DSCAML1: variants seen among roughly 807,000 people sequenced by gnomAD.
DSCAML1 encodes the protein DS cell adhesion molecule like 1.
Under a neutral mutation model 200.5 loss-of-function variants are expected in DSCAML1, and 38 were observed. The ratio of observed to expected loss-of-function variants is 0.19; its 90% CI spans 0.15 to 0.25. DSCAML1 has a LOEUF of 0.25. DSCAML1 is among the 10% of genes least tolerant of loss of function. The pLI is 1.00. For synonymous variants in DSCAML1, 1,215 were observed against 1,165.0 expected, an observed-to-expected ratio of 1.04 and a Z score of -0.87; for missense variants, 2,223 against 2,858.8, an observed-to-expected ratio of 0.78 and a Z score of 5.07.
intron 3 of DSCAML1, among the ~76,000 whole-genome samples, chr11:117,659,719 AT>A (rs35180954): frequency 0.3 from 43,414 of 145,238 alleles, 6,644 homozygotes; most frequent in Admixed American, 0.35. Context: ...TGCCTCACAC[AT>A]TTTTTTTTTT....
rs527740128 is a variant in DSCAML1 at position 117,694,045 on chromosome 11, T to C, written c.511+82746A>G. ...AGGGTTTCCCTCCCTCTGTCATTTT[T>C]AGGTTCTATCTTTATATATATATAT... On this transcript the variant is annotated intron_variant, in intron 3 of 32. Coordinates refer to ENST00000651296, the MANE Select transcript of DSCAML1 (RefSeq NM_020693.4). Among the ~76,000 whole-genome samples, 166 of 138,066 alleles carry C rather than the reference T, an allele frequency of 1.2e-3. 1 individual carries two copies. Among genetic ancestry groups the C allele is most frequent in the African/African-American group, 4.1e-3 (160 of 38,964 alleles). 90.6% of individuals were successfully genotyped at this position (138,066 alleles called of 152,430 possible).
At chr11:117,615,714 G>GA (rs1032984681) in intron 3 of DSCAML1, among the ~76,000 whole-genome samples, 77 of 151,302 alleles carry the variant, frequency 5.1e-4, no homozygotes, top group Middle Eastern at 3.4e-3. Context: ...TTTGGGTGGG[G>GA]AAAAAAAAAT....
intron 1 of DSCAML1, among the ~76,000 whole-genome samples, chr11:117,788,889 G>C (rs1372775095): frequency 1.3e-5 from 2 of 152,150 alleles, no homozygotes; most frequent in Non-Finnish European, 2.9e-5. Context: ...CCATCCCCAT[G>C]GTGTGAGCAC....
chr11:117,448,388 G>A (rs2048221080), intron 20 of DSCAML1, among the ~76,000 whole-genome samples: 1 of 152,188 alleles, frequency 6.6e-6, no homozygotes, highest in Admixed American at 6.5e-5. Context: ...TCCAGGCACA[G>A]TGTTCAGCCT....
At position 117,481,270 on chromosome 11, in the gene DSCAML1, G is replaced by T. The variant is rs752230903; in HGVS notation, c.2560C>A (p.Leu854Ile). ...NGDEVVSTLK[L>I]KPADRGDSVF... ...GAGTCCCCACGGTCAGCGGGCTTGA[G>T]CTGGGAGACCACCAGCAGGGGCAGG... Residue 854 changes from leucine (L) to isoleucine (I), a missense_variant and splice_region_variant, in exon 13 of 33, where the codon CTC becomes ATC. Leu to Ile is a conservative substitution (Grantham distance 5). Transcript: ENST00000651296. 2.4e-5 allele frequency: 39 copies of T among 1,613,606 alleles called. 1 individual carries two copies. In the South Asian group the frequency reaches 4.3e-4, roughly 18 times the overall value.
chr11:117,629,152 A>T (rs942161497), intron 3 of DSCAML1, among the ~76,000 whole-genome samples: 1 of 151,432 alleles, frequency 6.6e-6, no homozygotes, highest in African/African-American at 2.4e-5. Context: ...TCCAGGGATT[A>T]AAAAAAAAGA....
Position 117,437,201 on chromosome 11 carries a change from G to A in DSCAML1, c.4641C>T (p.Tyr1547=), listed in dbSNP as rs769549585. The part of the protein sequence containing the change: ...FLTELREATW[Y]ELRMRACNSA... ...TGTTGCAAGCCCTCATGCGCAGCTC[G>A]TACCACGTGGCCTCTCGCAGTTCCG... The change falls in exon 26 of 33, where the codon TAC becomes TAT. Residue 1547 remains tyrosine (Y), a synonymous_variant. Transcript: ENST00000651296. The surrounding 1 kb of genome is among the most constrained non-coding windows in gnomAD (Gnocchi z 5.3). The A allele has an allele frequency of 3.8e-5, 62 of 1,614,058 alleles. No individual in the cohort carries two copies. The highest frequency in any genetic ancestry group is 3.3e-4 in the Middle Eastern group (2 of 6,084).
intron 21 of DSCAML1, among the ~76,000 whole-genome samples, chr11:117,443,052 GC>G (rs1400457351): frequency 6.6e-6 from 1 of 152,190 alleles, no homozygotes; most frequent in Non-Finnish European, 1.5e-5. Flanking sequence ...AGCTTGAGTG[GC>G]CCCGGTAGGC....
chr11:117,604,468 C>CA (rs2051525911), intron 3 of DSCAML1, among the ~76,000 whole-genome samples: 1 of 152,122 alleles, frequency 6.6e-6, no homozygotes, highest in African/African-American at 2.4e-5. Context: ...TTGCAACAAA[C>CA]AACAGAGGCC....
intron 3 of DSCAML1, among the ~76,000 whole-genome samples, chr11:117,536,617 A>C (rs964659950): frequency 6.6e-6 from 1 of 152,218 alleles, no homozygotes; most frequent in African/African-American, 2.4e-5. Flanking sequence ...TTCCACCCCA[A>C]ATGCCAACAG....
chr11:117,439,706 G>T, intron 22 of DSCAML1, 113 bp downstream of exon 22: 1 of 1,047,374 alleles, frequency 9.5e-7, no homozygotes. Context: ...GCCTCTGCAG[G>T]CCTGGAGGCA....
intron 14 of DSCAML1, among the ~76,000 whole-genome samples, chr11:117,474,158 C>T (rs2048742516): frequency 6.6e-6 from 1 of 152,186 alleles, no homozygotes; most frequent in Non-Finnish European, 1.5e-5. Context: ...TTACTCCTCA[C>T]ATCCTCCTGC....
chr11:117,462,304 CCTCT>C (rs34399833), intron 17 of DSCAML1, among the ~76,000 whole-genome samples: 3,478 of 152,276 alleles, frequency 0.023, 135 homozygotes, highest in African/African-American at 0.078. Flanking sequence ...TCACACTCTC[CCTCT>C]GAGAGCCACC....
chr11:117,440,149 C>T (rs1003437041), intron 21 of DSCAML1, among the ~76,000 whole-genome samples: 21 of 152,194 alleles, frequency 1.4e-4, no homozygotes, highest in African/African-American at 4.6e-4. Context: ...TGGTCAGGAT[C>T]ACAAGAGGCT....
intron 3 of DSCAML1, among the ~76,000 whole-genome samples, chr11:117,666,731 C>T (rs967451992): frequency 1.3e-5 from 2 of 152,202 alleles, no homozygotes; most frequent in Non-Finnish European, 2.9e-5. Flanking sequence ...GTCGCAAATT[C>T]AGGCTTGGTT....
intron 3 of DSCAML1, among the ~76,000 whole-genome samples, chr11:117,725,326 C>T (rs893621686): frequency 7.9e-5 from 12 of 152,146 alleles, no homozygotes; most frequent in African/African-American, 2.4e-4. Flanking sequence ...TCAGAGTGCA[C>T]GACTTATGTT....
intron 3 of DSCAML1, among the ~76,000 whole-genome samples, chr11:117,638,085 T>C (rs1455082720): frequency 1.3e-5 from 2 of 152,172 alleles, no homozygotes; most frequent in African/African-American, 4.8e-5. Flanking sequence ...AGCTGGGCTC[T>C]CCTGGGGCAG....
intron 3 of DSCAML1, among the ~76,000 whole-genome samples, chr11:117,691,554 C>T (rs943017140): frequency 3.9e-5 from 6 of 152,128 alleles, no homozygotes; most frequent in Admixed American, 6.5e-5. Flanking sequence ...ATAATAATGC[C>T]GTTTCCCTGC....
intron 3 of DSCAML1, among the ~76,000 whole-genome samples, chr11:117,662,276 A>G (rs963610752): frequency 3.9e-5 from 6 of 152,234 alleles, no homozygotes; most frequent in Non-Finnish European, 8.8e-5. Flanking sequence ...TGAGGAGGAA[A>G]CTGAGAAGTC....
Sources: gnomAD v4.1 joint callset for allele counts (sites outside exome capture counted in the v4.1 genomes callset) on GRCh38, gnomAD v4.1.1 for gene constraint, Gnocchi (gnomAD v3.1) non-coding constraint, MANE v1.5 for transcripts, NCBI Gene and HGNC (gene_info 2026-07-23, HGNC 2026-07-21) for gene names.